Variants in ZPLD1 observed in about 807,000 individuals in gnomAD.
The protein encoded by ZPLD1 is zona pellucida like domain containing 1.
A neutral mutation model predicts 47.2 loss-of-function variants in ZPLD1; 34 were observed. That is an observed-to-expected ratio of 0.72 (90% CI 0.55 to 0.96). The LOEUF (loss-of-function observed/expected upper bound fraction) is 0.96. ZPLD1 is among the 40% of genes least tolerant of loss of function. The pLI, the probability that ZPLD1 is intolerant of heterozygous loss-of-function variation, is 0.00. For synonymous variants in ZPLD1, 176 were observed against 186.2 expected, an observed-to-expected ratio of 0.95 and a Z score of 0.45; for missense variants, 512 against 505.8, an observed-to-expected ratio of 1.01 and a Z score of -0.12.
intron 6 of ZPLD1, among the ~76,000 whole-genome samples, chr3:102,386,889 C>A (rs894456731): frequency 6.6e-6 from 1 of 152,124 alleles, no homozygotes; most frequent in East Asian, 1.9e-4. Context: ...CAGAAGTATC[C>A]ATTTTTAATC....
At chr3:102,391,936 T>A (rs138087342) in intron 6 of ZPLD1, among the ~76,000 whole-genome samples, 1 of 152,078 alleles carries the variant, frequency 6.6e-6, no homozygotes, top group Non-Finnish European at 1.5e-5. Flanking sequence ...TTCGAGCTCA[T>A]AGCTAAGAAT....
chr3:102,415,211 A>G (rs1307989096), intron 7 of ZPLD1, among the ~76,000 whole-genome samples: 3 of 151,824 alleles, frequency 2.0e-5, no homozygotes, highest in East Asian at 3.9e-4. Flanking sequence ...CTCATTTTGT[A>G]AGTAACTGAA....
chr3:102,452,825 A>C (rs1707357766), intron 3 of ZPLD1, 94 bp from the exon 4 acceptor site: 1 of 1,376,722 alleles, frequency 7.3e-7, no homozygotes, highest in Non-Finnish European at 1.0e-6. Context: ...TTAAACAGAC[A>C]AAGGAGATGA....
At chr3:102,417,028 G>A (rs1248351051) in intron 7 of ZPLD1, among the ~76,000 whole-genome samples, 1 of 151,768 alleles carries the variant, frequency 6.6e-6, no homozygotes. Context: ...AATTTTAAGA[G>A]GCCGAACTCT....
chr3:102,435,665 C>T (rs554303647), intron 1 of ZPLD1, among the ~76,000 whole-genome samples: 129 of 132,808 alleles, frequency 9.7e-4, no homozygotes, highest in African/African-American at 3.6e-3. Context: ...TTTTCTGAGA[C>T]GGAGTCTTGC....
chr3:102,409,966 A>G (rs974594444), intron 7 of ZPLD1, among the ~76,000 whole-genome samples: 3 of 151,812 alleles, frequency 2.0e-5, no homozygotes, highest in Non-Finnish European at 2.9e-5. Flanking sequence ...ACACAAGGCT[A>G]ACAACATTGA....
intron 6 of ZPLD1, among the ~76,000 whole-genome samples, chr3:102,459,861 T>C (rs1000349887): frequency 1.3e-5 from 2 of 152,122 alleles, no homozygotes; most frequent in African/African-American, 4.8e-5. Context: ...CCAAAGTCCA[T>C]AGTTGACATT....
intron 7 of ZPLD1, among the ~76,000 whole-genome samples, chr3:102,405,927 G>A (rs1208696208): frequency 6.6e-6 from 1 of 151,938 alleles, no homozygotes; most frequent in Non-Finnish European, 1.5e-5. Context: ...TGCTTCCCGA[G>A]ATTCCTCCCA....
intron 8 of ZPLD1, among the ~76,000 whole-genome samples, chr3:102,425,523 C>A (rs1012083968): frequency 3.3e-5 from 5 of 152,098 alleles, no homozygotes; most frequent in Admixed American, 1.3e-4. Flanking sequence ...ACTAAAGCAA[C>A]TTTTCTTTTG....
chr3:102,474,189 T>C (rs746112811), intron 10 of ZPLD1, among the ~76,000 whole-genome samples: 3 of 152,218 alleles, frequency 2.0e-5, no homozygotes, highest in Non-Finnish European at 4.4e-5. Flanking sequence ...GAAGTGTTCT[T>C]ATTTAAAACT....
At chr3:102,466,162 G>A (rs1707590426) in intron 8 of ZPLD1, among the ~76,000 whole-genome samples, 1 of 152,164 alleles carries the variant, frequency 6.6e-6, no homozygotes, top group Non-Finnish European at 1.5e-5. Flanking sequence ...TAAACCTCAG[G>A]AACCCAGGGC....
intron 9 of ZPLD1, 147 bp downstream of exon 9, chr3:102,469,282 G>A: frequency 2.3e-6 from 2 of 865,488 alleles, no homozygotes; most frequent in Non-Finnish European, 3.4e-6. Context: ...GTCTAGTAAA[G>A]ATCTGCTAAA....
chr3:102,457,676 T>C, intron 5 of ZPLD1, 105 bp from the exon 6 acceptor site: 2 of 966,588 alleles, frequency 2.1e-6, no homozygotes, highest in Middle Eastern at 4.3e-4. Flanking sequence ...TAATTAACAG[T>C]ATGTCAGAAT....
At chr3:102,392,532 C>T (rs975150209) in intron 7 of ZPLD1, among the ~76,000 whole-genome samples, 1 of 150,026 alleles carries the variant, frequency 6.7e-6, no homozygotes, top group Admixed American at 6.6e-5. Flanking sequence ...TCCTTCCTTC[C>T]TTCCTCCCTC....
At chr3:102,404,886 A>G (rs140172662) in intron 7 of ZPLD1, among the ~76,000 whole-genome samples, 21 of 152,148 alleles carry the variant, frequency 1.4e-4, no homozygotes, top group Admixed American at 1.4e-3. Context: ...AAGGTTACGT[A>G]TTATATAACA....
At chr3:102,457,424 C>G (rs1394278795) in intron 5 of ZPLD1, among the ~76,000 whole-genome samples, 6 of 152,100 alleles carry the variant, frequency 3.9e-5, no homozygotes, top group African/African-American at 1.2e-4. Flanking sequence ...TAGCAATGAA[C>G]AAAGTAAACC....
At chr3:102,418,577 G>C (rs1706838491) in intron 8 of ZPLD1, among the ~76,000 whole-genome samples, 1 of 151,950 alleles carries the variant, frequency 6.6e-6, no homozygotes, top group South Asian at 2.1e-4. Context: ...TGCAGGATTT[G>C]CCACATCGTT....
At chr3:102,390,471 A>G (rs911329153) in intron 6 of ZPLD1, among the ~76,000 whole-genome samples, 22 of 152,336 alleles carry the variant, frequency 1.4e-4, no homozygotes, top group African/African-American at 5.3e-4. Flanking sequence ...ATCCTAAAAT[A>G]TTTTATTCAG....
In ZPLD1 at chr3:102,419,366, T is replaced by C. The variant is rs1476625097; in HGVS notation, c.-9+1159T>C. ...TACTATTATAATACTTAGCTAAATA[T>C]AAAAATCTAAAAATGTGTTGTATAT... On this transcript the variant is annotated intron_variant, in intron 8 of 17. Coordinates refer to the ZPLD1 transcript ENST00000491959. 2.6e-5 allele frequency among the ~76,000 whole-genome samples: 4 copies of C among 151,992 alleles called. No homozygotes were observed. In the East Asian group the frequency reaches 7.8e-4, roughly 29 times the overall value.
Sources: allele counts gnomAD v4.1 joint callset (sites outside exome capture counted in the v4.1 genomes callset), GRCh38; gene constraint gnomAD v4.1.1; transcripts MANE v1.5; gene names NCBI Gene and HGNC (gene_info 2026-07-23, HGNC 2026-07-21).